Variants in CNTNAP4 observed in about 807,000 individuals in gnomAD.
CNTNAP4 encodes the protein contactin-associated protein-like 4.
A neutral mutation model predicts 148.4 loss-of-function variants in CNTNAP4; 98 were observed. That is an observed-to-expected ratio of 0.66 (90% confidence interval 0.56 to 0.78). The LOEUF (loss-of-function observed/expected upper bound fraction) is 0.78, where lower values mean the gene tolerates loss of function less well. Ranked by LOEUF, CNTNAP4 falls within the 30% of genes least tolerant of loss-of-function variation. The pLI, the probability that CNTNAP4 is intolerant of heterozygous loss-of-function variation, is 0.00. For synonymous variants in CNTNAP4, 730 were observed against 565.1 expected, an observed-to-expected ratio of 1.29 and a Z score of -4.14; for missense variants, 1,935 against 1,565.6, an observed-to-expected ratio of 1.24 and a Z score of -3.98.
At chr16:76,386,855 A>G (rs2016557775) in intron 3 of CNTNAP4, among the ~76,000 whole-genome samples, 1 of 152,194 alleles carries the variant, frequency 6.6e-6, no homozygotes, top group Non-Finnish European at 1.5e-5. Flanking sequence ...AAGGGCCTTA[A>G]AAGTCAAAGG....
chr16:76,430,795 C>G (rs2079579348), intron 4 of CNTNAP4, among the ~76,000 whole-genome samples: 1 of 152,106 alleles, frequency 6.6e-6, no homozygotes, highest in Non-Finnish European at 1.5e-5. Flanking sequence ...AGAAGGTGAA[C>G]TTAAGAGAAA....
At chr16:76,442,052 A>G (rs1396258399) in intron 4 of CNTNAP4, among the ~76,000 whole-genome samples, 1 of 152,132 alleles carries the variant, frequency 6.6e-6, no homozygotes, top group Non-Finnish European at 1.5e-5. Flanking sequence ...CGCTTTGCAG[A>G]TGTCATTAAC....
intron 2 of CNTNAP4, among the ~76,000 whole-genome samples, chr16:76,339,804 G>C (rs1964321234): frequency 6.6e-6 from 1 of 152,188 alleles, no homozygotes; most frequent in Non-Finnish European, 1.5e-5. Flanking sequence ...TTTGGTAAAA[G>C]TTCCATTCAA....
intron 3 of CNTNAP4, among the ~76,000 whole-genome samples, chr16:76,405,739 C>A (rs527851434): frequency 6.6e-6 from 1 of 151,880 alleles, no homozygotes; most frequent in East Asian, 1.9e-4. Flanking sequence ...TATATGTGGA[C>A]CCTCAGAGTT....
intron 3 of CNTNAP4, among the ~76,000 whole-genome samples, chr16:76,382,080 A>C (rs1450068501): frequency 6.6e-6 from 1 of 151,262 alleles, no homozygotes; most frequent in African/African-American, 2.4e-5. Context: ...AAAAAAAAAA[A>C]AAAAAAAAGA....
At chr16:76,462,355 T>G (rs113895735) in intron 9 of CNTNAP4, among the ~76,000 whole-genome samples, 54 of 152,344 alleles carry the variant, frequency 3.5e-4, no homozygotes, top group African/African-American at 1.3e-3. Flanking sequence ...CCTCTTCAGT[T>G]CTCACCTTCA....
In CNTNAP4 at chr16:76,280,362, A is replaced by G. The variant is rs751746431; in HGVS notation, c.85+2615A>G. 8.5e-5 allele frequency among the ~76,000 whole-genome samples: 13 copies of G among 152,288 alleles called. No individual in the cohort carries two copies. The South Asian group carries it at 1.5e-3, about 17-fold the overall frequency. ...AGAAGGATTCTGTTCAAAGACAAAC[A>G]TATATGTTCACATATATGTATATGT... is the stretch of plus-strand genomic sequence containing the variant. On this transcript the variant is annotated intron_variant, in intron 1 of 23. Coordinates refer to ENST00000611870, the MANE Select transcript of CNTNAP4 (RefSeq NM_033401.5).
intron 1 of CNTNAP4, among the ~76,000 whole-genome samples, chr16:76,308,584 G>C (rs1960751532): frequency 2.0e-5 from 3 of 152,182 alleles, no homozygotes; most frequent in Admixed American, 2.0e-4. Context: ...CCGTGAAACA[G>C]TATGGAAAGC....
chr16:76,353,156 A>G (rs1313823339), intron 2 of CNTNAP4, among the ~76,000 whole-genome samples: 2 of 152,198 alleles, frequency 1.3e-5, no homozygotes, highest in Non-Finnish European at 2.9e-5. Flanking sequence ...GATCCACAAA[A>G]GAGGAAGAGC....
At chr16:76,461,037 T>A (rs73619502) in intron 8 of CNTNAP4, among the ~76,000 whole-genome samples, 2,513 of 151,920 alleles carry the variant, frequency 0.017, 72 homozygotes, top group African/African-American at 0.057. Flanking sequence ...TTCATTAACA[T>A]TGGACTTATG....
intron 18 of CNTNAP4, among the ~76,000 whole-genome samples, chr16:76,536,743 C>T (rs1236238754): frequency 1.3e-5 from 2 of 152,002 alleles, no homozygotes; most frequent in Non-Finnish European, 2.9e-5. Context: ...TCTGATATGC[C>T]TCATGGAAGA....
chr16:76,417,042 A>G (rs1409859348), intron 3 of CNTNAP4, among the ~76,000 whole-genome samples: 1 of 151,234 alleles, frequency 6.6e-6, no homozygotes, highest in Non-Finnish European at 1.5e-5. Flanking sequence ...TTTATTTTTT[A>G]TTAGTGTTAA....
intron 3 of CNTNAP4, among the ~76,000 whole-genome samples, chr16:76,363,810 T>A (rs2013744321): frequency 6.6e-6 from 1 of 152,186 alleles, no homozygotes; most frequent in African/African-American, 2.4e-5. Flanking sequence ...ACAGTTAGTT[T>A]GCTAGGCATC....
At chr16:76,520,166 G>A (rs2083400966) in intron 15 of CNTNAP4, among the ~76,000 whole-genome samples, 1 of 152,134 alleles carries the variant, frequency 6.6e-6, no homozygotes, top group African/African-American at 2.4e-5. Context: ...ACTTGCTAGT[G>A]GCAGCAGACA....
Position 76,484,074 on chromosome 16 carries a change from G to A in CNTNAP4, c.1882+4536G>A, listed in dbSNP as rs116334976. 6.0e-3 allele frequency among the ~76,000 whole-genome samples: 892 copies of A among 147,694 alleles called. 7 individuals carry two copies. The highest frequency in any genetic ancestry group is 0.021 in the African/African-American group (839 of 40,078). ...TTTTTATATTACATAGCAAATTAAT[G>A]TACATTATTATAGAAGATATATCTT... On this transcript the variant is annotated intron_variant, in intron 12 of 23. Transcript: ENST00000611870.
intron 21 of CNTNAP4, among the ~76,000 whole-genome samples, chr16:76,541,354 A>G (rs1017428252): frequency 6.6e-6 from 1 of 152,256 alleles, no homozygotes; most frequent in Non-Finnish European, 1.5e-5. Context: ...GCACTGGAGT[A>G]GAAATGCACT....
intron 12 of CNTNAP4, among the ~76,000 whole-genome samples, chr16:76,480,759 G>C (rs1280946307): frequency 6.6e-6 from 1 of 152,092 alleles, no homozygotes; most frequent in Admixed American, 6.6e-5. Context: ...AAATATGTTC[G>C]TTGATTAGAA....
At chr16:76,416,843 T>C (rs1288866124) in intron 3 of CNTNAP4, among the ~76,000 whole-genome samples, 1 of 151,386 alleles carries the variant, frequency 6.6e-6, no homozygotes, top group East Asian at 1.9e-4. Flanking sequence ...CTTCTCTGTT[T>C]TTAACTTGCC....
chr16:76,455,614 C>T lies in CNTNAP4; in HGVS notation c.1333+2845C>T, dbSNP rs34251805. On this transcript the variant is annotated intron_variant, in intron 8 of 23. Coordinates refer to ENST00000611870, the MANE Select transcript of CNTNAP4 (RefSeq NM_033401.5). Reference sequence around the variant, plus strand: ...CTCCATATTTTCATCTTGACAAGAGCTATCTGGTAATCTGAATCCTTAATT... The same window carrying T: ...CTCCATATTTTCATCTTGACAAGAGTTATCTGGTAATCTGAATCCTTAATT... Among the ~76,000 whole-genome samples, 3 of 152,030 alleles carry T rather than the reference C, an allele frequency of 2.0e-5. No individual in the cohort carries two copies. In the East Asian group the frequency reaches 5.8e-4, roughly 29 times the overall value.
Sources: allele counts gnomAD v4.1 joint callset (sites outside exome capture counted in the v4.1 genomes callset), GRCh38; gene constraint gnomAD v4.1.1; transcripts MANE v1.5; gene names NCBI Gene and HGNC (gene_info 2026-07-23, HGNC 2026-07-21).